Variants in HTRA3 observed in about 807,000 individuals in gnomAD.
HTRA3 encodes the protein HtrA serine peptidase 3.
Under a neutral mutation model 43.2 loss-of-function variants are expected in HTRA3, and 41 were observed. The ratio of observed to expected loss-of-function variants is 0.95; its 90% CI spans 0.74 to 1.23. HTRA3 has a LOEUF of 1.23. HTRA3 is among the 50% of genes most tolerant of loss of function. The probability of loss-of-function intolerance (pLI) is 0.00; values close to 1 mark genes in which losing one functional copy is unlikely to be tolerated. For missense variants in HTRA3, 628 were observed against 647.1 expected (o/e 0.97, Z 0.32); for synonymous variants, 295 against 287.9 (o/e 1.02, Z -0.25).
At chr4:8,298,856 C>T (rs2153006942) in intron 6 of HTRA3, among the ~76,000 whole-genome samples, 1 of 152,354 alleles carries the variant, frequency 6.6e-6, no homozygotes, top group East Asian at 1.9e-4. Context: ...ATATTCAGTA[C>T]TGCACTGGCC....
chr4:8,282,520 A>G lies in HTRA3; in HGVS notation c.469A>G (p.Ile157Val). Residue 157 changes from isoleucine to valine, a missense_variant, in exon 2 of 9, where the codon ATA becomes GTA. Transcript: ENST00000307358. ...VEKIAPAVVH[I>V]ELFLRHPLFG... ...GAAGATCGCACCAGCCGTGGTCCACATAGAGCTCTTCCTGAGGTGGGTGAA... is the reference window on the plus strand; with the variant it reads ...GAAGATCGCACCAGCCGTGGTCCACGTAGAGCTCTTCCTGAGGTGGGTGAA... 1.2e-6 allele frequency: 2 copies of G among 1,613,856 alleles called. No individual in the cohort carries two copies. The highest frequency in any genetic ancestry group is 1.3e-5 in the African/African-American group (1 of 75,054).
chr4:8,270,291 G>A lies in HTRA3; in HGVS notation c.323G>A (p.Arg108His), dbSNP rs1239665721. 20 of 1,479,666 alleles carry A rather than the reference G, an allele frequency of 1.4e-5. No homozygotes were observed. The highest frequency in any genetic ancestry group is 2.8e-5 in the East Asian group (1 of 35,814). 91.7% of individuals were successfully genotyped at this position (1,479,666 alleles called of 1,614,324 possible). ...ANVCALQAASRRALQLSGTPV... is the reference protein window; with the variant it reads ...ANVCALQAASHRALQLSGTPV... ...GTGTGCGCGCTGCAGGCGGCCAGCC[G>A]CCGCGCGCTGCAGCTCTCCGGGACG... The change falls in exon 1 of 9, where the codon CGC (arginine) becomes CAC (histidine). Residue 108 changes from arginine to histidine, a missense_variant. Physicochemically the swap from Arg to His is conservative, Grantham distance 29. Transcript: ENST00000307358.
At chr4:8,304,565 A>C (rs1403517328) in intron 8 of HTRA3, among the ~76,000 whole-genome samples, 2 of 150,560 alleles carry the variant, frequency 1.3e-5, no homozygotes, top group Non-Finnish European at 2.9e-5. Flanking sequence ...CTCTTTCACT[A>C]GCTGGGGACC....
At chr4:8,290,234 C>T (rs1713180278) in intron 3 of HTRA3, among the ~76,000 whole-genome samples, 1 of 152,270 alleles carries the variant, frequency 6.6e-6, no homozygotes, top group Non-Finnish European at 1.5e-5. Flanking sequence ...TCCCGTAATC[C>T]TGTGCGGGGC....
At chr4:8,299,915 C>T (rs1305672304) in intron 6 of HTRA3, among the ~76,000 whole-genome samples, 1 of 151,668 alleles carries the variant, frequency 6.6e-6, no homozygotes, top group Non-Finnish European at 1.5e-5. Context: ...TCTTGGCTCC[C>T]TGCAACCTCT....
At chr4:8,284,219 A>AC (rs1712869076) in intron 2 of HTRA3, among the ~76,000 whole-genome samples, 1 of 151,558 alleles carries the variant, frequency 6.6e-6, no homozygotes, top group South Asian at 2.1e-4. Context: ...CAGCACACTG[A>AC]CCCCTCACTG....
intron 6 of HTRA3, among the ~76,000 whole-genome samples, chr4:8,294,771 TATCC>T (rs1276327801): frequency 4.4e-3 from 43 of 9,874 alleles, no homozygotes; most frequent in African/African-American, 0.016. Flanking sequence ...CCCATCCACC[TATCC>T]ATCCATCCAT....
intron 5 of HTRA3, among the ~76,000 whole-genome samples, chr4:8,293,266 C>T (rs1343709621): frequency 1.3e-5 from 2 of 152,184 alleles, no homozygotes; most frequent in African/African-American, 4.8e-5. Context: ...GGCTGGAGGC[C>T]AGAAAGCCAG....
In HTRA3 at chr4:8,286,901, C is replaced by A; in HGVS notation, c.708+118C>A. The stretch of plus-strand genomic sequence containing the variant: ...CCTTCCATCAGCCAGGGGGAGGAAA[C>A]TGGGCCCAGGGAGGACTGGCAGCTG... On this transcript the variant is annotated intron_variant, in intron 3 of 8. Coordinates refer to ENST00000307358, the MANE Select transcript of HTRA3 (RefSeq NM_053044.5). This position sits in a 1 kb window ranked among gnomAD's most constrained non-coding sequence, Gnocchi z 4.9. The A allele has an allele frequency of 1.3e-6, 1 of 766,146 alleles. No individual in the cohort carries two copies. Among genetic ancestry groups the A allele is most frequent in the Non-Finnish European group, 2.1e-6 (1 of 466,494 alleles). 47.5% of individuals were successfully genotyped at this position (766,146 alleles called of 1,614,324 possible).
chr4:8,291,304 C>T, intron 3 of HTRA3, 66 bp from the exon 4 acceptor site: 1 of 1,410,186 alleles, frequency 7.1e-7, no homozygotes, highest in Non-Finnish European at 1.0e-6. Context: ...CAGGATCTGA[C>T]TCCGGTCCCC....
chr4:8,302,397 C>T (rs920640904), intron 6 of HTRA3, 66 bp from the exon 7 acceptor site: 21 of 1,443,726 alleles, frequency 1.5e-5, no homozygotes, highest in African/African-American at 1.4e-4. Flanking sequence ...CTCTGCCTGT[C>T]CCCTGAGGGA....
At chr4:8,302,364 GGT>G (rs1713683030) in intron 6 of HTRA3, 97 bp from the exon 7 acceptor site, 3 of 1,095,786 alleles carry the variant, frequency 2.7e-6, no homozygotes, top group Non-Finnish European at 4.2e-6. Context: ...GCTGCTTCCT[GGT>G]CCTGCAGGGG....
At chr4:8,276,782 A>G (rs1224784104) in intron 1 of HTRA3, among the ~76,000 whole-genome samples, 1 of 152,210 alleles carries the variant, frequency 6.6e-6, no homozygotes, top group African/African-American at 2.4e-5. Context: ...CTGGGGCTGG[A>G]CAGGTTGTCA....
intron 4 of HTRA3, among the ~76,000 whole-genome samples, 183 bp from the exon 5 acceptor site, chr4:8,292,138 C>T (rs979242012): frequency 2.0e-5 from 3 of 152,234 alleles, no homozygotes; most frequent in African/African-American, 7.2e-5. Context: ...CCTCGGTCAT[C>T]AGGCAGCCAT....
At position 8,306,935 on chromosome 4, in the gene HTRA3, A is replaced by G. The variant is rs930280197; in HGVS notation, c.*799A>G. The stretch of plus-strand genomic sequence containing the variant: ...GCTCTGGGATGCAGCAGCCGCTCGC[A>G]TGGAAGTGCCGCCCAGAGGCATGCA... On this transcript the variant is annotated 3_prime_UTR_variant, in exon 9 of 9. Coordinates refer to ENST00000307358, the MANE Select transcript of HTRA3 (RefSeq NM_053044.5). The surrounding 1 kb of genome is among the most constrained non-coding windows in gnomAD (Gnocchi z 8.9). 2 of 152,802 alleles carry G rather than the reference A, an allele frequency of 1.3e-5. No homozygotes were observed. The highest frequency in any genetic ancestry group is 2.1e-4 in the South Asian group (1 of 4,830). 9.5% of individuals were successfully genotyped at this position (152,802 alleles called of 1,614,324 possible). A position where few individuals can be genotyped will look rare whatever the true frequency, so the allele number is the denominator to read the frequency against.
chr4:8,275,054 C>A (rs912716701), intron 1 of HTRA3, among the ~76,000 whole-genome samples: 1 of 152,192 alleles, frequency 6.6e-6, no homozygotes, highest in African/African-American at 2.4e-5. Context: ...CCCGCTGGGG[C>A]TGCAGTGCTG....
chr4:8,298,892 C>G (rs1341632706), intron 6 of HTRA3, among the ~76,000 whole-genome samples: 1 of 152,206 alleles, frequency 6.6e-6, no homozygotes, highest in African/African-American at 2.4e-5. Context: ...CACGGTAGGT[C>G]TAAAAGGCAG....
At position 8,297,290 on chromosome 4, in the gene HTRA3, C is replaced by T. The variant is rs1012106966; in HGVS notation, c.1051+3089C>T. 9.9e-5 allele frequency among the ~76,000 whole-genome samples: 15 copies of T among 152,008 alleles called. No homozygotes were observed. The highest frequency in any genetic ancestry group is 3.6e-4 in the African/African-American group (15 of 41,448). ...TTCAAGGAGAAGAGGCTTCAGAGTCCCCTATCCTGAGCACAGTGAGTCGTG... is the reference window on the plus strand; with the variant it reads ...TTCAAGGAGAAGAGGCTTCAGAGTCTCCTATCCTGAGCACAGTGAGTCGTG... On this transcript the variant is annotated intron_variant, in intron 6 of 8. Coordinates refer to ENST00000307358, the MANE Select transcript of HTRA3 (RefSeq NM_053044.5). This position sits in a 1 kb window ranked among gnomAD's most constrained non-coding sequence, Gnocchi z 5.8.
At chr4:8,275,201 T>C (rs951233999) in intron 1 of HTRA3, among the ~76,000 whole-genome samples, 4 of 152,184 alleles carry the variant, frequency 2.6e-5, no homozygotes, top group South Asian at 2.1e-4. Flanking sequence ...CAGCTGCCCT[T>C]CCTGCCGGGG....
Sources: gnomAD v4.1 joint callset for allele counts (sites outside exome capture counted in the v4.1 genomes callset) on GRCh38, gnomAD v4.1.1 for gene constraint, Gnocchi (gnomAD v3.1) non-coding constraint, MANE v1.5 for transcripts, NCBI Gene and HGNC (gene_info 2026-07-23, HGNC 2026-07-21) for gene names.